IMMP2L: variants seen among roughly 807,000 people sequenced by gnomAD.
IMMP2L encodes the protein inner mitochondrial membrane peptidase subunit 2.
Under a neutral mutation model 19.3 loss-of-function variants are expected in IMMP2L, and 18 were observed. That is an observed-to-expected ratio of 0.93 (90% CI 0.64 to 1.38). The LOEUF (loss-of-function observed/expected upper bound fraction) is 1.38, where lower values mean the gene tolerates loss of function less well. IMMP2L is among the 40% of genes most tolerant of loss of function. The pLI is 0.00. For synonymous variants in IMMP2L, 76 were observed against 73.0 expected (o/e 1.04, Z -0.21); for missense variants, 233 against 218.2 (o/e 1.07, Z -0.43).
At chr7:111,372,723 T>G (rs1239480282) in intron 3 of IMMP2L, among the ~76,000 whole-genome samples, 2 of 151,906 alleles carry the variant, frequency 1.3e-5, no homozygotes, top group Non-Finnish European at 2.9e-5. Context: ...TCTCTTTCCC[T>G]CCTAGTCTAC....
chr7:110,706,071 T>C (rs1243408182), intron 5 of IMMP2L, among the ~76,000 whole-genome samples: 1 of 152,136 alleles, frequency 6.6e-6, no homozygotes, highest in Non-Finnish European at 1.5e-5. Flanking sequence ...TTCTTCTAGA[T>C]ATATACCCAG....
chr7:111,453,084 T>C (rs560924100), intron 3 of IMMP2L, among the ~76,000 whole-genome samples: 2 of 152,212 alleles, frequency 1.3e-5, no homozygotes, highest in African/African-American at 2.4e-5. Context: ...CCGATTCTAA[T>C]TGCATGTGAT....
At chr7:110,753,751 GGGGTGTGTGTGTGT>G (rs1247839835) in intron 5 of IMMP2L, among the ~76,000 whole-genome samples, 1 of 86,948 alleles carries the variant, frequency 1.2e-5, no homozygotes, top group African/African-American at 1.5e-4. Flanking sequence ...GTGTGAGTGT[GGGGTGTGTGTGTGT>G]GTGTGTGTGT....
intron 4 of IMMP2L, among the ~76,000 whole-genome samples, chr7:110,919,536 T>G (rs986942300): frequency 6.6e-6 from 1 of 152,206 alleles, no homozygotes; most frequent in African/African-American, 2.4e-5. Flanking sequence ...TCAAGCACCC[T>G]AAAGTTGACA....
At chr7:111,198,736 CCT>C (rs1390954645) in intron 3 of IMMP2L, among the ~76,000 whole-genome samples, 1 of 152,134 alleles carries the variant, frequency 6.6e-6, no homozygotes, top group Non-Finnish European at 1.5e-5. Flanking sequence ...TCCCAATTCT[CCT>C]CTGTTATTAG....
At chr7:110,999,304 C>CTT (rs992468876) in intron 3 of IMMP2L, among the ~76,000 whole-genome samples, 1 of 127,362 alleles carries the variant, frequency 7.9e-6, no homozygotes, top group Non-Finnish European at 1.6e-5. Context: ...AATTTGTTTT[C>CTT]TTTTTTTTTT....
intron 2 of IMMP2L, among the ~76,000 whole-genome samples, chr7:111,513,225 G>T (rs971546268): frequency 1.3e-5 from 2 of 151,888 alleles, no homozygotes; most frequent in Non-Finnish European, 2.9e-5. Flanking sequence ...ATCTAATAAG[G>T]GGTTAATGTA....
At chr7:110,931,254 T>G (rs1293491348) in intron 4 of IMMP2L, among the ~76,000 whole-genome samples, 1 of 152,142 alleles carries the variant, frequency 6.6e-6, no homozygotes, top group Non-Finnish European at 1.5e-5. Flanking sequence ...CTGAAACATA[T>G]CAGGCTCTCC....
intron 4 of IMMP2L, among the ~76,000 whole-genome samples, chr7:110,944,546 G>T (rs1415996614): frequency 6.6e-6 from 1 of 150,630 alleles, no homozygotes; most frequent in Non-Finnish European, 1.5e-5. Flanking sequence ...GGGTCCTGAG[G>T]ATTAAAGAGT....
At chr7:110,699,493 C>G (rs1364160279) in intron 5 of IMMP2L, among the ~76,000 whole-genome samples, 2 of 151,988 alleles carry the variant, frequency 1.3e-5, no homozygotes, top group Admixed American at 6.6e-5. Context: ...TGAAGGAGGC[C>G]AGGAGCAGTG....
intron 3 of IMMP2L, among the ~76,000 whole-genome samples, chr7:111,169,034 C>T (rs559771530): frequency 6.6e-6 from 1 of 151,992 alleles, no homozygotes; most frequent in African/African-American, 2.4e-5. Context: ...CCGATTCCTA[C>T]ACATAGGCAA....
intron 3 of IMMP2L, among the ~76,000 whole-genome samples, chr7:111,049,286 A>G (rs546106176): frequency 8.6e-5 from 13 of 151,236 alleles, no homozygotes; most frequent in Middle Eastern, 6.8e-3. Context: ...GCCCGCCACT[A>G]CGCCCGGCTA....
At chr7:111,418,771 T>A (rs1835187420) in intron 3 of IMMP2L, among the ~76,000 whole-genome samples, 2 of 151,824 alleles carry the variant, frequency 1.3e-5, no homozygotes, top group African/African-American at 4.9e-5. Context: ...TCTAATTATA[T>A]TGAAGAGATT....
intron 3 of IMMP2L, among the ~76,000 whole-genome samples, chr7:111,147,277 A>G (rs1179663990): frequency 1.3e-5 from 2 of 152,014 alleles, no homozygotes; most frequent in Non-Finnish European, 2.9e-5. Flanking sequence ...ACTGTTTTGA[A>G]TCTTCCTCAA....
chr7:111,177,656 T>C (rs1807226819), intron 3 of IMMP2L, among the ~76,000 whole-genome samples: 1 of 152,116 alleles, frequency 6.6e-6, no homozygotes, highest in Non-Finnish European at 1.5e-5. Flanking sequence ...TTTTAGTCCA[T>C]GAAGCAACTA....
At chr7:111,252,545 A>C (rs1233037170) in intron 3 of IMMP2L, among the ~76,000 whole-genome samples, 1 of 152,182 alleles carries the variant, frequency 6.6e-6, no homozygotes, top group Non-Finnish European at 1.5e-5. Context: ...AAATGTGACA[A>C]GGAATAATTT....
At chr7:111,070,468 T>C (rs1446901330) in intron 3 of IMMP2L, among the ~76,000 whole-genome samples, 3 of 152,088 alleles carry the variant, frequency 2.0e-5, no homozygotes, top group Non-Finnish European at 4.4e-5. Context: ...TTTTTTTTGG[T>C]TAAATAAAAA....
chr7:110,971,845 T>C (rs538169005), intron 3 of IMMP2L, among the ~76,000 whole-genome samples: 4 of 152,242 alleles, frequency 2.6e-5, no homozygotes, highest in African/African-American at 9.6e-5. Context: ...GCATTATTAA[T>C]GTTTAAACTG....
chr7:111,170,130 C>T (rs772779871), intron 3 of IMMP2L, among the ~76,000 whole-genome samples: 2 of 151,880 alleles, frequency 1.3e-5, no homozygotes, highest in Non-Finnish European at 1.5e-5. Flanking sequence ...TATTTTGGCA[C>T]ATATTATGAA....
Sources: allele counts gnomAD v4.1 joint callset (sites outside exome capture counted in the v4.1 genomes callset), GRCh38; gene constraint gnomAD v4.1.1; transcripts MANE v1.5; gene names NCBI Gene and HGNC (gene_info 2026-07-23, HGNC 2026-07-21).